Variants in ARMC2 observed in about 807,000 individuals in gnomAD.
ARMC2 encodes armadillo repeat containing 2.
A neutral mutation model predicts 90.3 loss-of-function variants in ARMC2; 67 were observed. The ratio of observed to expected loss-of-function variants is 0.74; its 90% CI spans 0.61 to 0.91. The LOEUF is 0.91. ARMC2 is among the 40% of genes least tolerant of loss of function. The pLI, the probability that ARMC2 is intolerant of heterozygous loss-of-function variation, is 0.00. For missense variants in ARMC2, 920 were observed against 1,030.9 expected (o/e 0.89, Z 1.47); for synonymous variants, 393 against 393.0 (o/e 1.00, Z 0.00).
chr6:108,986,426 G>T, the ARMC2 span: 3 of 152,590 alleles, frequency 2.0e-5, no homozygotes, highest in Non-Finnish European at 4.4e-5. Context: ...TTAAGAGATT[G>T]AGACAGCAAA....
chr6:108,888,307 C>T (rs1770575563), intron 5 of ARMC2, among the ~76,000 whole-genome samples: 2 of 152,170 alleles, frequency 1.3e-5, no homozygotes, highest in African/African-American at 4.8e-5. Flanking sequence ...AATCGCACAT[C>T]CTATCATTTA....
chr6:108,953,269 G>A lies in ARMC2; in HGVS notation c.1833G>A (p.Leu611=), dbSNP rs1343962452. The A allele has an allele frequency of 1.2e-6, 2 of 1,613,136 alleles. No homozygotes were observed. Residue 611 remains leucine, a synonymous_variant, in exon 13 of 18, where the codon CTG becomes CTA. Transcript: ENST00000392644. The stretch of plus-strand genomic sequence containing the variant: ...TGCTCATCAAGCTGACTCGTGTGCT[G>A]GCCAACATTGCCATCCACCCGGGCG... ...EDVLIKLTRV[L]ANIAIHPGVG...
the ARMC2 span, among the ~76,000 whole-genome samples, chr6:108,997,136 G>A: frequency 3.3e-5 from 5 of 152,290 alleles, no homozygotes; most frequent in East Asian, 3.9e-4. Flanking sequence ...CACTGTCAAA[G>A]TGTCATCAGG....
chr6:108,981,760 C>T, the ARMC2 span, among the ~76,000 whole-genome samples: 23 of 151,978 alleles, frequency 1.5e-4, no homozygotes, highest in South Asian at 8.3e-4. Context: ...CTCCGCTTCC[C>T]GGGTTCAAGT....
chr6:108,989,957 T>TGAAAAA, the ARMC2 span, among the ~76,000 whole-genome samples: 1 of 152,198 alleles, frequency 6.6e-6, no homozygotes, highest in Non-Finnish European at 1.5e-5. Context: ...GGGAAATTAG[T>TGAAAAA]TTAAAGTTGG....
intron 16 of ARMC2, 137 bp downstream of exon 16, chr6:108,964,449 G>C: frequency 3.8e-6 from 4 of 1,052,524 alleles, no homozygotes; most frequent in South Asian, 3.4e-5. Context: ...AGGCTAAAGA[G>C]GGGGTTTAGA....
the ARMC2 span, chr6:109,001,206 C>T: frequency 9.0e-7 from 1 of 1,116,716 alleles, no homozygotes; most frequent in Non-Finnish European, 1.3e-6. Context: ...AAGTATTTAT[C>T]CCTGTGTTTA....
rs188141290 is a variant in ARMC2, at chr6:108,956,033, G to A, written c.1915+2682G>A. On this transcript the variant is annotated intron_variant, in intron 13 of 17. Coordinates refer to ENST00000392644, the MANE Select transcript of ARMC2 (RefSeq NM_032131.6). ...CCCAGGTGAGCCTTTTGCCCATTAAGTGTTGAGACCCAGTGCTTCAGGGAA... is the reference window on the plus strand; with the variant it reads ...CCCAGGTGAGCCTTTTGCCCATTAAATGTTGAGACCCAGTGCTTCAGGGAA... 1.7e-3 allele frequency among the ~76,000 whole-genome samples: 252 copies of A among 152,328 alleles called. 3 individuals carry two copies. The highest frequency in any genetic ancestry group is 2.2e-3 in the Non-Finnish European group (151 of 68,030).
chr6:108,908,106 C>A (rs780521338), intron 8 of ARMC2, among the ~76,000 whole-genome samples: 1 of 151,388 alleles, frequency 6.6e-6, no homozygotes, highest in Admixed American at 6.6e-5. Flanking sequence ...CCCTGGGGAT[C>A]TTGTAAAATG....
chr6:109,026,653 C>T, the ARMC2 span, among the ~76,000 whole-genome samples: 7 of 151,914 alleles, frequency 4.6e-5, no homozygotes, highest in African/African-American at 7.2e-5. Context: ...TACAGGCGTG[C>T]GCCACCATGC....
intron 8 of ARMC2, among the ~76,000 whole-genome samples, chr6:108,905,170 C>A (rs1772550976): frequency 6.6e-6 from 1 of 152,148 alleles, no homozygotes; most frequent in South Asian, 2.1e-4. Flanking sequence ...TGTGCTAACA[C>A]CCCATAATTT....
At chr6:108,878,915 A>G (rs1237002338) in intron 5 of ARMC2, among the ~76,000 whole-genome samples, 6 of 151,842 alleles carry the variant, frequency 4.0e-5, no homozygotes, top group African/African-American at 1.2e-4. Flanking sequence ...CCATCTACCT[A>G]TCCAGCCATC....
At chr6:108,984,711 T>C in the ARMC2 span, among the ~76,000 whole-genome samples, 1 of 152,244 alleles carries the variant, frequency 6.6e-6, no homozygotes, top group Admixed American at 6.5e-5. Context: ...GGATCATTCA[T>C]TGTTAGTGTA....
the ARMC2 span, among the ~76,000 whole-genome samples, chr6:109,050,260 C>T: frequency 1.3e-5 from 2 of 152,100 alleles, no homozygotes; most frequent in Non-Finnish European, 2.9e-5. Flanking sequence ...ACCAATTGTG[C>T]TACCAGCTGA....
At chr6:109,011,904 C>T in the ARMC2 span, among the ~76,000 whole-genome samples, 1,199 of 152,330 alleles carry the variant, frequency 7.9e-3, 20 homozygotes, top group African/African-American at 0.028. Flanking sequence ...GCTGGGATTA[C>T]AGGTGTGAGC....
At chr6:108,907,791 C>G in intron 8 of ARMC2, 3 of 1,610,444 alleles carry the variant, frequency 1.9e-6, no homozygotes, top group Non-Finnish European at 2.5e-6. Context: ...GGGCTGAAGT[C>G]CCCCATCAAG....
intron 13 of ARMC2, among the ~76,000 whole-genome samples, chr6:108,954,562 C>T (rs929285440): frequency 5.3e-5 from 8 of 152,092 alleles, no homozygotes; most frequent in Non-Finnish European, 1.0e-4. Context: ...GACGGAGGGC[C>T]GCAGTGGGCC....
chr6:108,891,359 C>T (rs952617704), intron 5 of ARMC2, among the ~76,000 whole-genome samples: 1 of 152,198 alleles, frequency 6.6e-6, no homozygotes, highest in Admixed American at 6.5e-5. Context: ...CTAATTTACA[C>T]TCCCACCAAC....
At chr6:108,909,256 CT>C (rs1215521988) in intron 8 of ARMC2, among the ~76,000 whole-genome samples, 2 of 151,870 alleles carry the variant, frequency 1.3e-5, no homozygotes, top group African/African-American at 4.8e-5. Context: ...AAATGTTTCC[CT>C]TTTTAGACAT....
Sources: allele counts gnomAD v4.1 joint callset (sites outside exome capture counted in the v4.1 genomes callset), GRCh38; gene constraint gnomAD v4.1.1; transcripts MANE v1.5; gene names NCBI Gene and HGNC (gene_info 2026-07-23, HGNC 2026-07-21).